Variants in MAML3 observed in about 807,000 individuals in gnomAD.
The protein encoded by MAML3 is mastermind like transcriptional coactivator 3.
Under a neutral mutation model 101.9 loss-of-function variants are expected in MAML3, and 27 were observed. The observed-to-expected ratio is 0.27, with a 90% confidence interval of 0.20 to 0.37. MAML3 has a LOEUF of 0.37. Among genes scored for constraint, MAML3 ranks in the 10% least tolerant of loss-of-function variants. The pLI is 1.00. For missense variants in MAML3, 1,316 were observed against 1,444.9 expected, an observed-to-expected ratio of 0.91 and a Z score of 1.45; for synonymous variants, 501 against 555.9, an observed-to-expected ratio of 0.90 and a Z score of 1.39.
intron 1 of MAML3, among the ~76,000 whole-genome samples, chr4:139,894,726 G>GA (rs35304334): frequency 0.64 from 96,123 of 150,912 alleles, 33,975 homozygotes; most frequent in Non-Finnish European, 0.81. Context: ...GAATTTGACG[G>GA]AAAAAAAAAT....
intron 2 of MAML3, among the ~76,000 whole-genome samples, chr4:139,799,932 C>T (rs1303592427): frequency 1.3e-5 from 2 of 151,718 alleles, no homozygotes; most frequent in Admixed American, 6.6e-5. Context: ...CAGAACAAGT[C>T]AGGGAAAGAG....
intron 2 of MAML3, among the ~76,000 whole-genome samples, chr4:139,873,701 G>A (rs1418819583): frequency 6.6e-6 from 1 of 152,136 alleles, no homozygotes; most frequent in Non-Finnish European, 1.5e-5. Flanking sequence ...GAGGAACTGA[G>A]GCCTCCAGTC....
intron 2 of MAML3, among the ~76,000 whole-genome samples, chr4:139,757,829 C>A (rs1205864774): frequency 6.6e-6 from 1 of 152,006 alleles, no homozygotes; most frequent in Non-Finnish European, 1.5e-5. Flanking sequence ...TCCAGTCCCC[C>A]TACCTTCTTT....
At chr4:139,928,975 A>ATACTCAGCTGTGAAGAGGAAGGGAT (rs1733324409) in intron 1 of MAML3, among the ~76,000 whole-genome samples, 1 of 152,054 alleles carries the variant, frequency 6.6e-6, no homozygotes, top group African/African-American at 2.4e-5. Context: ...GAGGAAGGGA[A>ATACTCAGCTGTGAAGAGGAAGGGAT]GTATATGAGC....
intron 2 of MAML3, among the ~76,000 whole-genome samples, chr4:139,813,190 A>G (rs903485428): frequency 2.6e-5 from 4 of 152,200 alleles, no homozygotes; most frequent in African/African-American, 9.6e-5. Context: ...ATAGGGATTC[A>G]GTCCAAAAGG....
At chr4:139,932,656 A>G (rs2110730097) in intron 1 of MAML3, among the ~76,000 whole-genome samples, 1 of 152,290 alleles carries the variant, frequency 6.6e-6, no homozygotes, top group South Asian at 2.1e-4. Flanking sequence ...AAAAGCTAAA[A>G]TCACCACACA....
chr4:139,886,305 A>G (rs1381437591), intron 2 of MAML3, among the ~76,000 whole-genome samples: 1 of 152,206 alleles, frequency 6.6e-6, no homozygotes, highest in African/African-American at 2.4e-5. Flanking sequence ...AACGAAGGGT[A>G]AACTTTTTTA....
chr4:139,862,282 G>C (rs1731798285), intron 2 of MAML3, among the ~76,000 whole-genome samples: 1 of 152,188 alleles, frequency 6.6e-6, no homozygotes, highest in Admixed American at 6.5e-5. Context: ...TCATTGGTCA[G>C]GGATGTGGCC....
chr4:140,153,275 A>G lies in MAML3; in HGVS notation c.53T>C (p.Ile18Thr). ...AAAANGSSIC[I>T]NSSLNSSLGG... ...GAGGCTGCTGTTCAGGCTACTGTTG[A>G]TGCAAATACTACTGCCATTCGCGGC... is the stretch of plus-strand genomic sequence containing the variant. The change falls in exon 1 of 5, where the codon ATC (isoleucine) becomes ACC (threonine). Residue 18 changes from isoleucine (I) to threonine (T), a missense_variant. Transcript: ENST00000509479. The G allele has an allele frequency of 1.2e-6, 2 of 1,609,478 alleles. No homozygotes were observed. Among genetic ancestry groups the G allele is most frequent in the Non-Finnish European group, 8.5e-7 (1 of 1,178,278 alleles).
At chr4:140,101,354 G>C (rs993648225) in intron 1 of MAML3, among the ~76,000 whole-genome samples, 3 of 152,142 alleles carry the variant, frequency 2.0e-5, no homozygotes, top group Non-Finnish European at 4.4e-5. Flanking sequence ...GAGCTCCCAA[G>C]TCACTGATGG....
At chr4:139,950,476 G>C (rs2110756756) in intron 1 of MAML3, among the ~76,000 whole-genome samples, 1 of 152,186 alleles carries the variant, frequency 6.6e-6, no homozygotes, top group East Asian at 1.9e-4. Flanking sequence ...GTCTCTAGAG[G>C]ACTCTGATTA....
chr4:139,932,549 A>G (rs536383081), intron 1 of MAML3, among the ~76,000 whole-genome samples: 1 of 152,206 alleles, frequency 6.6e-6, no homozygotes, highest in Non-Finnish European at 1.5e-5. Context: ...ACAGCTTGTT[A>G]AGAGTTTTAA....
chr4:139,857,294 T>C (rs1449224059), intron 2 of MAML3, among the ~76,000 whole-genome samples: 1 of 152,106 alleles, frequency 6.6e-6, no homozygotes, highest in Non-Finnish European at 1.5e-5. Context: ...AGGGCTCAAA[T>C]ACATCCGACA....
chr4:139,864,479 C>A (rs1206960208), intron 2 of MAML3, among the ~76,000 whole-genome samples: 4 of 151,988 alleles, frequency 2.6e-5, no homozygotes, highest in Non-Finnish European at 5.9e-5. Context: ...GAGATCAAGA[C>A]CATCCTGGCC....
intron 1 of MAML3, among the ~76,000 whole-genome samples, chr4:140,148,232 T>G (rs6815624): frequency 0.044 from 6,753 of 152,282 alleles, 482 homozygotes; most frequent in African/African-American, 0.15. Context: ...ACTAGCTTCC[T>G]GAAAACTTGG....
At chr4:139,882,056 T>C (rs978112203) in intron 2 of MAML3, among the ~76,000 whole-genome samples, 3 of 152,016 alleles carry the variant, frequency 2.0e-5, no homozygotes, top group African/African-American at 7.3e-5. Flanking sequence ...AATTAGAGTA[T>C]AGAAAGAGCC....
At chr4:140,021,103 C>G (rs1357714287) in intron 1 of MAML3, among the ~76,000 whole-genome samples, 2 of 152,154 alleles carry the variant, frequency 1.3e-5, no homozygotes, top group Non-Finnish European at 2.9e-5. Flanking sequence ...GAAAAGAAGA[C>G]TGCTTCTCTT....
intron 2 of MAML3, among the ~76,000 whole-genome samples, chr4:139,769,637 C>T (rs908307493): frequency 5.3e-5 from 8 of 150,216 alleles, no homozygotes; most frequent in South Asian, 2.1e-4. Context: ...TTTTTTTTGA[C>T]GGAGTTTCAC....
intron 1 of MAML3, among the ~76,000 whole-genome samples, chr4:139,980,388 C>A (rs920662573): frequency 6.6e-6 from 1 of 152,122 alleles, no homozygotes; most frequent in Non-Finnish European, 1.5e-5. Flanking sequence ...TTGATTTTTT[C>A]CCCCAGTCTC....
Sources: gnomAD v4.1 joint callset for allele counts (sites outside exome capture counted in the v4.1 genomes callset) on GRCh38, gnomAD v4.1.1 for gene constraint, MANE v1.5 for transcripts, NCBI Gene and HGNC (gene_info 2026-07-23, HGNC 2026-07-21) for gene names.